CSTPP1: variants seen among roughly 807,000 people sequenced by gnomAD.
CSTPP1 encodes the protein centriolar satellite-associated tubulin polyglutamylase complex regulator 1.
At chr11:47,048,191 A>G in the CSTPP1 span, among the ~76,000 whole-genome samples, 1 of 152,242 alleles carries the variant, frequency 6.6e-6, no homozygotes, top group African/African-American at 2.4e-5. Flanking sequence ...ACTGAAACAG[A>G]TACTTGTATA....
chr11:47,043,755 G>A, the CSTPP1 span, among the ~76,000 whole-genome samples: 2 of 151,416 alleles, frequency 1.3e-5, no homozygotes, highest in African/African-American at 4.9e-5. Context: ...ATTTTCAGAG[G>A]CCAAAGTGGG....
At chr11:47,052,619 CT>C in the CSTPP1 span, 1 of 1,437,668 alleles carries the variant, frequency 7.0e-7, no homozygotes. Flanking sequence ...CTTTTCCTCT[CT>C]TTCTCTTTCA....
the CSTPP1 span, among the ~76,000 whole-genome samples, chr11:46,988,494 T>G: frequency 6.6e-6 from 1 of 152,202 alleles, no homozygotes; most frequent in South Asian, 2.1e-4. Flanking sequence ...CTCACTTGTT[T>G]GTGGGATGTA....
chr11:47,014,425 C>T, the CSTPP1 span, among the ~76,000 whole-genome samples: 3 of 151,564 alleles, frequency 2.0e-5, no homozygotes, highest in Non-Finnish European at 2.9e-5. Context: ...AAGCCTGGCG[C>T]GGTGGCTCAT....
the CSTPP1 span, among the ~76,000 whole-genome samples, chr11:47,123,738 C>T: frequency 3.3e-5 from 5 of 152,164 alleles, no homozygotes; most frequent in South Asian, 2.1e-4. Flanking sequence ...CCGTGGCTCA[C>T]GCCCGTAATC....
chr11:47,110,576 A>G, the CSTPP1 span, among the ~76,000 whole-genome samples: 1 of 152,208 alleles, frequency 6.6e-6, no homozygotes, highest in Non-Finnish European at 1.5e-5. Context: ...ACCAAGTACT[A>G]CAAACTTCCT....
chr11:47,057,327 G>A, the CSTPP1 span, among the ~76,000 whole-genome samples: 1 of 151,944 alleles, frequency 6.6e-6, no homozygotes, highest in African/African-American at 2.4e-5. Context: ...TAGGGATATC[G>A]GCTCAAAAGT....
chr11:47,023,925 T>C, the CSTPP1 span, among the ~76,000 whole-genome samples: 1 of 152,216 alleles, frequency 6.6e-6, no homozygotes, highest in Non-Finnish European at 1.5e-5. Flanking sequence ...ATATATCATA[T>C]ATTTGTCCAA....
the CSTPP1 span, among the ~76,000 whole-genome samples, chr11:47,038,285 C>T: frequency 9.0e-6 from 1 of 111,206 alleles, no homozygotes; most frequent in Admixed American, 9.3e-5. Flanking sequence ...GGGGGCTGAC[C>T]CCCCCACCTC....
chr11:46,965,269 G>C, the CSTPP1 span, among the ~76,000 whole-genome samples: 2 of 139,096 alleles, frequency 1.4e-5, no homozygotes, highest in Non-Finnish European at 3.0e-5. Context: ...TCTGTCGCTC[G>C]GGCTGGAATG....
At chr11:47,056,534 C>CTTGTGCCA in the CSTPP1 span, among the ~76,000 whole-genome samples, 1 of 152,202 alleles carries the variant, frequency 6.6e-6, no homozygotes, top group African/African-American at 2.4e-5. Context: ...CAAATTCCCC[C>CTTGTGCCA]AGTTTCTCCT....
the CSTPP1 span, among the ~76,000 whole-genome samples, chr11:47,064,469 G>A: frequency 6.6e-6 from 1 of 152,038 alleles, no homozygotes; most frequent in Admixed American, 6.6e-5. Context: ...TTAGGTATTT[G>A]ATCAATTTTG....
At chr11:47,016,033 C>A in the CSTPP1 span, among the ~76,000 whole-genome samples, 1 of 152,242 alleles carries the variant, frequency 6.6e-6, no homozygotes, top group Admixed American at 6.5e-5. Flanking sequence ...AGGAGGATTG[C>A]TTGAGCCCCA....
At chr11:46,946,029 C>T in the CSTPP1 span, among the ~76,000 whole-genome samples, 1 of 152,022 alleles carries the variant, frequency 6.6e-6, no homozygotes, top group African/African-American at 2.4e-5. Flanking sequence ...TTTCCTTTTC[C>T]AAAGATTCTG....
At chr11:47,146,691 T>C in the CSTPP1 span, among the ~76,000 whole-genome samples, 1 of 152,176 alleles carries the variant, frequency 6.6e-6, no homozygotes, top group African/African-American at 2.4e-5. Context: ...TTAGGCAAAT[T>C]TTTAAAGTTC....
the CSTPP1 span, among the ~76,000 whole-genome samples, chr11:47,025,085 A>T: frequency 2.0e-5 from 3 of 152,184 alleles, no homozygotes; most frequent in African/African-American, 7.2e-5. Context: ...CCTAGTTACT[A>T]CAATGGACTT....
chr11:47,056,739 A>G, the CSTPP1 span, among the ~76,000 whole-genome samples: 5 of 152,214 alleles, frequency 3.3e-5, no homozygotes, highest in Admixed American at 2.6e-4. Flanking sequence ...GAATGTGTCA[A>G]TCTCCAATTT....
At chr11:47,147,813 T>C in the CSTPP1 span, among the ~76,000 whole-genome samples, 1 of 152,210 alleles carries the variant, frequency 6.6e-6, no homozygotes, top group African/African-American at 2.4e-5. Context: ...TCCATAAAGA[T>C]ACTCACTGAA....
chr11:47,056,726 C>G, the CSTPP1 span, among the ~76,000 whole-genome samples: 1 of 152,182 alleles, frequency 6.6e-6, no homozygotes, highest in Admixed American at 6.5e-5. Context: ...TCTTTCTAAA[C>G]CAGAATGTGT....
Sources: allele counts gnomAD v4.1 joint callset (sites outside exome capture counted in the v4.1 genomes callset), GRCh38; gene constraint gnomAD v4.1.1; transcripts MANE v1.5; gene names NCBI Gene and HGNC (gene_info 2026-07-23, HGNC 2026-07-21).